SLC22A2: variants seen among roughly 807,000 people sequenced by gnomAD.
SLC22A2 encodes organic cation transporter 2.
A neutral mutation model predicts 60.5 loss-of-function variants in SLC22A2; 46 were observed. The observed-to-expected ratio is 0.76, with a 90% CI of 0.60 to 0.97. The LOEUF (loss-of-function observed/expected upper bound fraction) is 0.97. SLC22A2 is among the 50% of genes least tolerant of loss of function. The pLI, the probability that SLC22A2 is intolerant of heterozygous loss-of-function variation, is 0.00. For missense variants in SLC22A2, 701 were observed against 706.6 expected, an observed-to-expected ratio of 0.99 and a Z score of 0.09; for synonymous variants, 303 against 267.0, an observed-to-expected ratio of 1.13 and a Z score of -1.31.
intron 3 of SLC22A2, 181 bp downstream of exon 3, chr6:160,250,367 T>C: frequency 1.6e-6 from 1 of 612,374 alleles, no homozygotes; most frequent in East Asian, 2.8e-5. Context: ...TTTTTTAGTT[T>C]ATAAGGAGGA....
At chr6:160,235,040 T>G (rs1012123430) in intron 9 of SLC22A2, among the ~76,000 whole-genome samples, 2 of 152,160 alleles carry the variant, frequency 1.3e-5, no homozygotes, top group Admixed American at 6.5e-5. Context: ...TGGTTAAAAG[T>G]CAGTTTGTTC....
rs142210951 is a variant in SLC22A2 at position 160,229,496 on chromosome 6, G to A, written c.1502-4692C>T. On this transcript the variant is annotated intron_variant, in intron 9 of 10. Transcript: ENST00000366953. ...ATTCACCCACATTCCTTGGTGGCAA[G>A]TGAATTGCGGGGGCGCCTGCTTTGG... is the stretch of plus-strand genomic sequence containing the variant. 5.5e-3 allele frequency among the ~76,000 whole-genome samples: 840 copies of A among 152,006 alleles called. 3 individuals are homozygous for A. The highest frequency in any genetic ancestry group is 7.8e-3 in the Non-Finnish European group (532 of 68,032).
At position 160,242,366 on chromosome 6, in the gene SLC22A2, C is replaced by T. The variant is rs141405449; in HGVS notation, c.1316G>A (p.Gly439Glu). Residue 439 changes from glycine (G) to glutamate (E), a missense_variant, in exon 8 of 11, where the codon GGA (glycine) becomes GAA (glutamate). Gly to Glu is a moderately conservative substitution (Grantham distance 98). Transcript: ENST00000366953. ...ATAGGCCATTGTGATCCCCATTCTT[C>T]CCAAGCATGAGATAATAATTTTTAG... The part of the protein sequence containing the change: ...QWLKIIISCL[G>E]RMGITMAYEI... The T allele has an allele frequency of 9.5e-5, 153 of 1,608,266 alleles. No homozygotes were observed. The highest frequency in any genetic ancestry group is 1.2e-4 in the Non-Finnish European group (140 of 1,174,786).
At chr6:160,245,353 G>A (rs1783073619) in intron 6 of SLC22A2, 86 bp downstream of exon 6, 1 of 717,760 alleles carries the variant, frequency 1.4e-6, no homozygotes, top group South Asian at 2.0e-5. Context: ...ATACCGGGAT[G>A]AGGTCATGTT....
At chr6:160,219,107 G>GCAGCAA (rs1782598793) in intron 10 of SLC22A2, among the ~76,000 whole-genome samples, 1 of 124 alleles carries the variant, frequency 8.1e-3, no homozygotes, top group African/African-American at 0.031. Flanking sequence ...AGCAACAGAA[G>GCAGCAA]CAATAACAGC....
At chr6:160,233,627 T>G (rs3119308) in intron 9 of SLC22A2, among the ~76,000 whole-genome samples, 21,622 of 151,676 alleles carry the variant, frequency 0.14, 2,028 homozygotes, top group African/African-American at 0.24. Context: ...TTTTTCTCCT[T>G]CTTTTATTTG....
intron 7 of SLC22A2, among the ~76,000 whole-genome samples, chr6:160,242,697 C>T (rs904723321): frequency 2.0e-5 from 3 of 152,026 alleles, no homozygotes; most frequent in African/African-American, 7.2e-5. Context: ...CCTCTGCCCC[C>T]ACACATGCAT....
At chr6:160,217,699 C>T (rs916854822) in intron 10 of SLC22A2, among the ~76,000 whole-genome samples, 8 of 152,034 alleles carry the variant, frequency 5.3e-5, no homozygotes, top group African/African-American at 1.9e-4. Flanking sequence ...CAGAGTTATT[C>T]CTAAAATTAT....
At chr6:160,246,418 T>G (rs1255134094) in intron 5 of SLC22A2, among the ~76,000 whole-genome samples, 1 of 152,166 alleles carries the variant, frequency 6.6e-6, no homozygotes, top group Non-Finnish European at 1.5e-5. Context: ...AACACCTCTG[T>G]AACTGGATTC....
At chr6:160,228,701 CG>C (rs1782767914) in intron 9 of SLC22A2, among the ~76,000 whole-genome samples, 1 of 152,086 alleles carries the variant, frequency 6.6e-6, no homozygotes, top group Non-Finnish European at 1.5e-5. Context: ...GTGGCCTGCA[CG>C]TATATATCCA....
At chr6:160,235,098 C>T (rs1002568967) in intron 9 of SLC22A2, among the ~76,000 whole-genome samples, 2 of 152,198 alleles carry the variant, frequency 1.3e-5, no homozygotes, top group Non-Finnish European at 2.9e-5. Flanking sequence ...GGAGACATCA[C>T]AGACCTCCTT....
intron 2 of SLC22A2, among the ~76,000 whole-genome samples, chr6:160,251,788 A>G (rs966869817): frequency 6.6e-6 from 1 of 152,220 alleles, no homozygotes; most frequent in Non-Finnish European, 1.5e-5. Context: ...TTATGCAACT[A>G]TATTCTAGTG....
Position 160,220,642 on chromosome 6 carries a change from T to C in SLC22A2, c.1602-3144A>G, listed in dbSNP as rs73600495. Among the ~76,000 whole-genome samples the C allele has an allele frequency of 5.2e-3, 799 of 152,330 alleles. 10 individuals carry two copies. The highest frequency in any genetic ancestry group is 0.018 in the African/African-American group (762 of 41,578). On this transcript the variant is annotated intron_variant, in intron 10 of 10. Transcript: ENST00000366953. The stretch of plus-strand genomic sequence containing the variant: ...TATTTCTTAAATAATAATACTTGAA[T>C]GTCAAAACTACTCCTTGATCCATGG...
chr6:160,257,046 G>A (rs150889297), intron 1 of SLC22A2, among the ~76,000 whole-genome samples: 157 of 152,200 alleles, frequency 1.0e-3, no homozygotes, highest in Middle Eastern at 6.8e-3. Flanking sequence ...CATTATAGGC[G>A]TGAGCCACTG....
At chr6:160,231,534 C>A (rs1477856426) in intron 9 of SLC22A2, among the ~76,000 whole-genome samples, 1 of 151,948 alleles carries the variant, frequency 6.6e-6, no homozygotes, top group Non-Finnish European at 1.5e-5. Flanking sequence ...TTATCACTCA[C>A]CTGCTACAGC....
intron 9 of SLC22A2, among the ~76,000 whole-genome samples, chr6:160,228,390 G>A (rs1340422136): frequency 6.6e-6 from 1 of 152,128 alleles, no homozygotes; most frequent in Non-Finnish European, 1.5e-5. Context: ...AAGACAGAGA[G>A]GGTTAAAAGT....
chr6:160,233,391 A>G (rs1782857341), intron 9 of SLC22A2, among the ~76,000 whole-genome samples: 1 of 151,790 alleles, frequency 6.6e-6, no homozygotes, highest in South Asian at 2.1e-4. Context: ...TATTCAGTGG[A>G]ACCTTCATAC....
chr6:160,228,636 A>T (rs1251366358), intron 9 of SLC22A2, among the ~76,000 whole-genome samples: 1 of 152,210 alleles, frequency 6.6e-6, no homozygotes, highest in East Asian at 1.9e-4. Flanking sequence ...GGATCATAGA[A>T]ACATGGATAG....
At chr6:160,255,397 A>G (rs1783254003) in intron 2 of SLC22A2, among the ~76,000 whole-genome samples, 1 of 152,216 alleles carries the variant, frequency 6.6e-6, no homozygotes, top group South Asian at 2.1e-4. Context: ...TGCAAGTTTT[A>G]ATTCAGCCTA....
Sources: allele counts gnomAD v4.1 joint callset (sites outside exome capture counted in the v4.1 genomes callset), GRCh38; gene constraint gnomAD v4.1.1; transcripts MANE v1.5; gene names NCBI Gene and HGNC (gene_info 2026-07-23, HGNC 2026-07-21).